Variants in GALK2 observed in about 807,000 individuals in gnomAD.
The protein encoded by GALK2 is galactokinase 2.
A neutral mutation model predicts 52.4 loss-of-function variants in GALK2; 36 were observed. The observed-to-expected ratio is 0.69, with a 90% CI of 0.53 to 0.91. The LOEUF (loss-of-function observed/expected upper bound fraction) is 0.91, where lower values mean the gene tolerates loss of function less well. Among genes scored for constraint, GALK2 ranks in the 40% least tolerant of loss-of-function variants. The pLI, the probability that GALK2 is intolerant of heterozygous loss-of-function variation, is 0.00. For missense variants in GALK2, 579 were observed against 559.1 expected, an observed-to-expected ratio of 1.04 and a Z score of -0.36; for synonymous variants, 176 against 199.1, an observed-to-expected ratio of 0.88 and a Z score of 0.98.
At chr15:49,249,394 C>T (rs1488754903) in intron 5 of GALK2, among the ~76,000 whole-genome samples, 1 of 152,150 alleles carries the variant, frequency 6.6e-6, no homozygotes, top group African/African-American at 2.4e-5. Context: ...CCCTATGCCT[C>T]AGTTTCTGTT....
intron 5 of GALK2, among the ~76,000 whole-genome samples, chr15:49,261,338 G>A (rs2092099519): frequency 7.0e-6 from 1 of 143,872 alleles, no homozygotes; most frequent in African/African-American, 2.6e-5. Context: ...AATTGTGAAT[G>A]GGAGTTCACT....
intron 5 of GALK2, among the ~76,000 whole-genome samples, chr15:49,258,829 T>TGTGTGTGA (rs1335491479): frequency 4.8e-5 from 6 of 124,120 alleles, no homozygotes; most frequent in African/African-American, 1.9e-4. Flanking sequence ...TGTGTGTGTG[T>TGTGTGTGA]GAGAGAGAGA....
At chr15:49,213,609 G>T (rs2089121317) in intron 2 of GALK2, among the ~76,000 whole-genome samples, 1 of 151,758 alleles carries the variant, frequency 6.6e-6, no homozygotes, top group Non-Finnish European at 1.5e-5. Context: ...GATGAGGTTA[G>T]CTTATTGTTT....
In GALK2 at chr15:49,216,366, T is replaced by C. The variant is rs547247427; in HGVS notation, c.143-824T>C. On this transcript the variant is annotated intron_variant, in intron 2 of 9. Transcript: ENST00000560031. ...ACAGCTTCAGGAATCTCCTTGGTGC[T>C]TTACTTCGACTGAGCTGGTACCCAA... Among the ~76,000 whole-genome samples the C allele has an allele frequency of 2.5e-4, 38 of 152,310 alleles. 1 individual carries two copies. In the South Asian group the frequency reaches 7.9e-3, roughly 32 times the overall value.
Position 49,201,209 on chromosome 15 carries a change from C to A in GALK2, c.101C>A (p.Pro34His). The A allele has an allele frequency of 6.2e-7, 1 of 1,610,396 alleles. No homozygotes were observed. Among genetic ancestry groups the A allele is most frequent in the Non-Finnish European group, 8.5e-7 (1 of 1,177,374 alleles). ...EMFNSKFGSI[P>H]KFYVRAPGRV... ...TTTAACTCCAAGTTTGGATCTATTC[C>A]CAAGTTTTATGTTCGAGCACCAGGA... is the stretch of plus-strand genomic sequence containing the variant. The change falls in exon 2 of 10, where the codon CCC becomes CAC. Residue 34 changes from proline (P) to histidine (H), a missense_variant. By Grantham distance (77) the Pro-to-His change is moderately conservative. Transcript: ENST00000560031.
intron 3 of GALK2, among the ~76,000 whole-genome samples, chr15:49,338,356 T>C (rs2040129344): frequency 1.3e-5 from 2 of 152,234 alleles, no homozygotes; most frequent in South Asian, 4.1e-4. Flanking sequence ...TCCTTGTCTG[T>C]AAAGATTTTA....
At chr15:49,235,353 T>C (rs1411294797) in intron 3 of GALK2, among the ~76,000 whole-genome samples, 1 of 152,238 alleles carries the variant, frequency 6.6e-6, no homozygotes, top group Non-Finnish European at 1.5e-5. Context: ...CTTACATTAG[T>C]ATAGACTCAT....
chr15:49,192,995 A>AT lies in GALK2; in HGVS notation c.54-8167_54-8166insT, dbSNP rs1445176548. Among the ~76,000 whole-genome samples, 158 of 126,720 alleles carry AT rather than the reference A, an allele frequency of 1.2e-3. 8 individuals carry two copies. The highest frequency in any genetic ancestry group is 2.0e-3 in the South Asian group (8 of 4,020). 83.1% of individuals were successfully genotyped at this position (126,720 alleles called of 152,430 possible). ...CTTTTGTTATGAATTTTCTGTTTAT[A>AT]CCTTTTTTTTTTTTTTTTTTTTGAT... On this transcript the variant is annotated intron_variant, in intron 1 of 9. Transcript: ENST00000560031.
chr15:49,180,076 G>C (rs1048410022), intron 1 of GALK2, among the ~76,000 whole-genome samples: 1 of 152,278 alleles, frequency 6.6e-6, no homozygotes, highest in South Asian at 2.1e-4. Context: ...GCAGTTATAA[G>C]CCATGAACAG....
intron 3 of GALK2, among the ~76,000 whole-genome samples, chr15:49,349,807 A>G (rs185081617): frequency 6.6e-6 from 1 of 152,178 alleles, no homozygotes; most frequent in Non-Finnish European, 1.5e-5. Flanking sequence ...GTATGGACCA[A>G]AACTCTGCAT....
intron 3 of GALK2, among the ~76,000 whole-genome samples, chr15:49,357,366 G>A (rs1270862852): frequency 2.0e-5 from 3 of 148,580 alleles, no homozygotes; most frequent in Admixed American, 6.7e-5. Flanking sequence ...AAAGAGAGAA[G>A]AATCAAATAG....
chr15:49,177,316 T>C (rs1345989615), intron 1 of GALK2, among the ~76,000 whole-genome samples: 1 of 151,668 alleles, frequency 6.6e-6, no homozygotes, highest in Non-Finnish European at 1.5e-5. Context: ...TCTTTTTTTC[T>C]TTTAAATAAT....
chr15:49,277,862 C>A (rs1038666176), intron 5 of GALK2, among the ~76,000 whole-genome samples: 1 of 152,118 alleles, frequency 6.6e-6, no homozygotes, highest in Non-Finnish European at 1.5e-5. Flanking sequence ...GAGGTAGGGC[C>A]GCTGGGGAAA....
At chr15:49,161,008 C>A (rs1271721130) in intron 1 of GALK2, among the ~76,000 whole-genome samples, 1 of 152,108 alleles carries the variant, frequency 6.6e-6, no homozygotes, top group African/African-American at 2.4e-5. Context: ...TCAGAGTAAT[C>A]AAAGTTTCAT....
At chr15:49,187,125 G>A (rs1566916488) in intron 1 of GALK2, among the ~76,000 whole-genome samples, 1 of 152,154 alleles carries the variant, frequency 6.6e-6, no homozygotes, top group South Asian at 2.1e-4. Flanking sequence ...TAAGTCTTTG[G>A]TCACTGCAGC....
At chr15:49,178,482 A>C (rs1239676683) in intron 1 of GALK2, 1 of 279,166 alleles carries the variant, frequency 3.6e-6, no homozygotes, top group Non-Finnish European at 7.0e-6. Context: ...TTAACACCAC[A>C]GTGGACAGGC....
chr15:49,332,891 C>T (rs561675034), downstream of GALK2, among the ~76,000 whole-genome samples: 1 of 152,280 alleles, frequency 6.6e-6, no homozygotes, highest in East Asian at 1.9e-4. Flanking sequence ...TGCTCTGTGA[C>T]TGGTACATGC....
At chr15:49,203,604 C>G (rs546523269) in intron 2 of GALK2, among the ~76,000 whole-genome samples, 1 of 152,222 alleles carries the variant, frequency 6.6e-6, no homozygotes, top group Admixed American at 6.5e-5. Context: ...TTTGCCTAGA[C>G]CAATGTCTTG....
At chr15:49,367,147 A>C (rs867657975) in intron 3 of GALK2, among the ~76,000 whole-genome samples, 1 of 152,214 alleles carries the variant, frequency 6.6e-6, no homozygotes, top group East Asian at 1.9e-4. Context: ...GTTTGAAACC[A>C]GTCACTGAAC....
Sources: allele counts gnomAD v4.1 joint callset (sites outside exome capture counted in the v4.1 genomes callset), GRCh38; gene constraint gnomAD v4.1.1; transcripts MANE v1.5; gene names NCBI Gene and HGNC (gene_info 2026-07-23, HGNC 2026-07-21).